Variants in PGBD5 observed in about 807,000 individuals in gnomAD.
The protein encoded by PGBD5 is piggyBac transposable element derived 5, also known as piggyBac transposable element-derived protein 5.
A neutral mutation model predicts 47.9 loss-of-function variants in PGBD5; 14 were observed. That is an observed-to-expected ratio of 0.29 (90% CI 0.19 to 0.46). PGBD5 has a LOEUF of 0.46. PGBD5 is among the 20% of genes least tolerant of loss of function. PGBD5 has a pLI of 1.00. For synonymous variants in PGBD5, 316 were observed against 306.3 expected, an observed-to-expected ratio of 1.03 and a Z score of -0.33; for missense variants, 635 against 716.0, an observed-to-expected ratio of 0.89 and a Z score of 1.29.
intron 3 of PGBD5, among the ~76,000 whole-genome samples, chr1:230,350,384 G>C (rs1667542494): frequency 6.6e-6 from 1 of 152,188 alleles, no homozygotes. Context: ...TGTGAAACAT[G>C]CACCCATGTT....
intron 5 of PGBD5, among the ~76,000 whole-genome samples, chr1:230,325,869 C>G (rs914512228): frequency 6.6e-6 from 1 of 152,088 alleles, no homozygotes; most frequent in African/African-American, 2.4e-5. Flanking sequence ...GCCCTTTCCA[C>G]CTGCCTTCAT....
At chr1:230,332,038 A>ATGC in intron 5 of PGBD5, among the ~76,000 whole-genome samples, 2 of 106 alleles carry the variant, frequency 0.019, no homozygotes, top group Non-Finnish European at 0.042. Context: ...CACACACACC[A>ATGC]CACACAGCAC....
chr1:230,348,120 C>T (rs774287401), intron 3 of PGBD5, among the ~76,000 whole-genome samples: 42 of 152,192 alleles, frequency 2.8e-4, no homozygotes, highest in Non-Finnish European at 5.9e-5. Flanking sequence ...AACTGAGCTT[C>T]CCCGCTAAGT....
At chr1:230,378,599 CCT>C (rs1269769209) in intron 1 of PGBD5, among the ~76,000 whole-genome samples, 3 of 152,142 alleles carry the variant, frequency 2.0e-5, no homozygotes, top group Non-Finnish European at 1.5e-5. Context: ...TCTCTCTCCA[CCT>C]CTGTTTGAAC....
intron 1 of PGBD5, among the ~76,000 whole-genome samples, chr1:230,408,295 TGACTTAAGCAAACATTTACCCACTTG>T (rs138505274): frequency 0.049 from 7,450 of 152,300 alleles, 252 homozygotes; most frequent in South Asian, 0.091. Context: ...GGCTTCGTCT[TGACTTAAGCAAACATTTACCCACTTG>T]GACAAAAATG....
chr1:230,402,509 G>C (rs1037661100), intron 1 of PGBD5, among the ~76,000 whole-genome samples: 1 of 152,204 alleles, frequency 6.6e-6, no homozygotes, highest in Non-Finnish European at 1.5e-5. Context: ...CACTGTTGGG[G>C]GAGGGGGCTT....
At chr1:230,337,416 A>T (rs934609182) in intron 3 of PGBD5, 128 bp from the exon 4 acceptor site, 1 of 965,166 alleles carries the variant, frequency 1.0e-6, no homozygotes, top group African/African-American at 1.7e-5. Context: ...AGCCCCCATC[A>T]TCTTTTCAGC....
At chr1:230,387,545 C>T (rs891800941) in intron 1 of PGBD5, among the ~76,000 whole-genome samples, 1 of 152,200 alleles carries the variant, frequency 6.6e-6, no homozygotes, top group African/African-American at 2.4e-5. Context: ...GTGACTGAAT[C>T]CAGGCCTGGT....
chr1:230,331,255 TA>T (rs1263851452), intron 5 of PGBD5, among the ~76,000 whole-genome samples: 3 of 151,746 alleles, frequency 2.0e-5, no homozygotes, highest in African/African-American at 7.3e-5. Flanking sequence ...TCACAAAAAA[TA>T]CAAAAAAACA....
chr1:230,378,701 G>A (rs1668050864), intron 1 of PGBD5, among the ~76,000 whole-genome samples: 1 of 152,176 alleles, frequency 6.6e-6, no homozygotes, highest in African/African-American at 2.4e-5. Flanking sequence ...ACAGCCCTGA[G>A]CATGGAAGCT....
At chr1:230,396,288 C>CT (rs1169864608) in intron 1 of PGBD5, among the ~76,000 whole-genome samples, 1 of 110,472 alleles carries the variant, frequency 9.1e-6, no homozygotes, top group Non-Finnish European at 1.9e-5. Context: ...ACACTCTTCC[C>CT]TTTTACCCCC....
chr1:230,380,672 A>G (rs1656442258), intron 1 of PGBD5, among the ~76,000 whole-genome samples: 1 of 152,224 alleles, frequency 6.6e-6, no homozygotes, highest in African/African-American at 2.4e-5. Flanking sequence ...AAACCCTGTA[A>G]GCAAATGCAC....
At chr1:230,326,145 C>A (rs1020637441) in intron 5 of PGBD5, among the ~76,000 whole-genome samples, 1 of 152,238 alleles carries the variant, frequency 6.6e-6, no homozygotes, top group African/African-American at 2.4e-5. Context: ...AGGCTGCGCA[C>A]GGTGGCTCAC....
chr1:230,418,184 C>T (rs139180870), intron 1 of PGBD5, among the ~76,000 whole-genome samples: 1,838 of 152,262 alleles, frequency 0.012, 11 homozygotes, highest in Non-Finnish European at 0.019. Flanking sequence ...AATCCCACTC[C>T]TAGGTATACA....
Position 230,335,846 on chromosome 1 carries a change from G to C in PGBD5, c.1075+1262C>G, listed in dbSNP as rs375010571. Among the ~76,000 whole-genome samples, 352 of 99,790 alleles carry C rather than the reference G, an allele frequency of 3.5e-3. 11 individuals are homozygous for C. In the East Asian group the frequency reaches 0.092, roughly 26 times the overall value. The allele number at this position is 99,790 out of a possible 152,430, so 65.5% of individuals were successfully genotyped here. ...ACACAGACATACACATACACACACA[G>C]ACACACAGATACACACACAGATGCA... On this transcript the variant is annotated intron_variant, in intron 4 of 6. Coordinates refer to ENST00000391860, the MANE Select transcript of PGBD5 (RefSeq NM_001258311.2).
At chr1:230,424,545 G>A (rs1657729308) in intron 1 of PGBD5, among the ~76,000 whole-genome samples, 1 of 152,224 alleles carries the variant, frequency 6.6e-6, no homozygotes, top group Admixed American at 6.5e-5. Flanking sequence ...CCAGCTGGAG[G>A]TCCCTTGGGC....
intron 2 of PGBD5, among the ~76,000 whole-genome samples, chr1:230,352,060 G>C (rs1048025260): frequency 1.3e-5 from 2 of 151,874 alleles, no homozygotes; most frequent in African/African-American, 4.8e-5. Context: ...GAAATGAAGA[G>C]TGCAGGCAAT....
chr1:230,386,129 C>A (rs1336837168), intron 1 of PGBD5, among the ~76,000 whole-genome samples: 1 of 152,120 alleles, frequency 6.6e-6, no homozygotes, highest in Non-Finnish European at 1.5e-5. Context: ...GAGTTCGAGA[C>A]TAGCCTGGGC....
intron 1 of PGBD5, among the ~76,000 whole-genome samples, chr1:230,404,036 G>A (rs1657209642): frequency 6.6e-6 from 1 of 152,294 alleles, no homozygotes; most frequent in East Asian, 1.9e-4. Context: ...AGAAAGGTGG[G>A]CACATAGGAT....
Sources: gnomAD v4.1 joint callset for allele counts (sites outside exome capture counted in the v4.1 genomes callset) on GRCh38, gnomAD v4.1.1 for gene constraint, MANE v1.5 for transcripts, NCBI Gene and HGNC (gene_info 2026-07-23, HGNC 2026-07-21) for gene names.